The following FER variants were observed in gnomAD, a reference collection of about 807,000 sequenced individuals.
FER encodes the protein tyrosine-protein kinase Fer.
A neutral mutation model predicts 111.0 loss-of-function variants in FER; 63 were observed. The observed-to-expected ratio is 0.57, with a 90% confidence interval of 0.46 to 0.70. The LOEUF (loss-of-function observed/expected upper bound fraction) is 0.70. FER is among the 30% of genes least tolerant of loss of function. FER has a pLI of 0.00. For missense variants in FER, 914 were observed against 954.0 expected, an observed-to-expected ratio of 0.96 and a Z score of 0.55; for synonymous variants, 327 against 313.9, an observed-to-expected ratio of 1.04 and a Z score of -0.44.
chr5:108,826,379 GGGA>G (rs1251731289), intron 3 of FER, among the ~76,000 whole-genome samples: 1 of 152,054 alleles, frequency 6.6e-6, no homozygotes, highest in Admixed American at 6.6e-5. Context: ...GTGTTCATTA[GGGA>G]TATTGGCTTG....
At chr5:109,059,662 G>A (rs145821090) in intron 16 of FER, among the ~76,000 whole-genome samples, 146 of 152,298 alleles carry the variant, frequency 9.6e-4, no homozygotes, top group African/African-American at 3.3e-3. Context: ...AGAGGTTAGT[G>A]GTGAAGAGTG....
intron 13 of FER, among the ~76,000 whole-genome samples, chr5:109,011,859 A>G (rs1766315416): frequency 6.6e-6 from 1 of 152,214 alleles, no homozygotes; most frequent in African/African-American, 2.4e-5. Flanking sequence ...TGGAAATCTA[A>G]TGTAACTAGT....
At chr5:108,781,346 C>T (rs978481258) in intron 2 of FER, among the ~76,000 whole-genome samples, 3 of 152,034 alleles carry the variant, frequency 2.0e-5, no homozygotes, top group Non-Finnish European at 2.9e-5. Context: ...GCCTGCTTAC[C>T]ACACCTGGCT....
At chr5:108,756,817 T>G (rs1428501855) in intron 1 of FER, among the ~76,000 whole-genome samples, 1 of 152,178 alleles carries the variant, frequency 6.6e-6, no homozygotes, top group Non-Finnish European at 1.5e-5. Context: ...AGTTCTTTTT[T>G]CTCCCCTCCT....
Position 109,026,429 on chromosome 5 carries a change from G to GT in FER, c.1657-10982dup, listed in dbSNP as rs200471223. Reference sequence around the variant, plus strand: ...AACTACTTTGCATACTTTTCAATAAGTTTTTTTTTTTCCTCTAAAGCAACC... The same window carrying GT: ...AACTACTTTGCATACTTTTCAATAAGTTTTTTTTTTTTCCTCTAAAGCAACC... On this transcript the variant is annotated intron_variant, in intron 13 of 19. Transcript: ENST00000281092. Among the ~76,000 whole-genome samples, 420 of 147,904 alleles carry GT rather than the reference G, an allele frequency of 2.8e-3. 4 individuals are homozygous for GT. In the East Asian group the frequency reaches 0.037, roughly 13 times the overall value.
chr5:109,073,124 AG>A (rs1330190112), intron 16 of FER, among the ~76,000 whole-genome samples: 3 of 152,166 alleles, frequency 2.0e-5, no homozygotes, highest in Non-Finnish European at 4.4e-5. Context: ...CTGAAGTCCC[AG>A]GTAGACATAA....
chr5:108,754,527 C>A (rs1183245195), intron 1 of FER, among the ~76,000 whole-genome samples: 1 of 151,750 alleles, frequency 6.6e-6, no homozygotes, highest in Non-Finnish European at 1.5e-5. Flanking sequence ...AGTGAATGCC[C>A]CTTTAGTTTT....
intron 8 of FER, among the ~76,000 whole-genome samples, chr5:108,880,669 G>A (rs1354008886): frequency 6.6e-6 from 1 of 151,952 alleles, no homozygotes; most frequent in Non-Finnish European, 1.5e-5. Context: ...ACTGAAGCTT[G>A]TATCTCCATG....
At chr5:109,084,213 T>G (rs1355598599) in intron 16 of FER, among the ~76,000 whole-genome samples, 1 of 152,042 alleles carries the variant, frequency 6.6e-6, no homozygotes, top group Non-Finnish European at 1.5e-5. Flanking sequence ...AAGAGATTAA[T>G]TTTGCCTATT....
intron 16 of FER, among the ~76,000 whole-genome samples, chr5:109,068,035 T>A (rs1308769955): frequency 6.6e-6 from 1 of 152,226 alleles, no homozygotes; most frequent in Admixed American, 6.5e-5. Context: ...ATTTTTTTTC[T>A]GATACCTCTA....
At chr5:109,051,606 C>T (rs1772841336) in intron 16 of FER, 2 of 1,603,030 alleles carry the variant, frequency 1.2e-6, no homozygotes, top group Middle Eastern at 1.6e-4. Flanking sequence ...CCAGCTTGTA[C>T]CCAGGAAGAG....
In FER at chr5:108,916,745, C is replaced by CTTG. The variant is rs547578188; in HGVS notation, c.1236+18898_1236+18899insTGT. Reference sequence around the variant, plus strand: ...TATAAAAGAAAATTGCCAGAAAACTCTATCATGTTCGCTCATGGGTTGGAT... The same window carrying CTTG: ...TATAAAAGAAAATTGCCAGAAAACTCTTGTATCATGTTCGCTCATGGGTTGGAT... On this transcript the variant is annotated intron_variant, in intron 10 of 19. Coordinates refer to ENST00000281092, the MANE Select transcript of FER (RefSeq NM_005246.4). Among the ~76,000 whole-genome samples, 186 of 152,200 alleles carry CTTG rather than the reference C, an allele frequency of 1.2e-3. 1 individual carries two copies. The highest frequency in any genetic ancestry group is 4.2e-3 in the African/African-American group (173 of 41,536).
chr5:109,092,462 A>G (rs1746932263), intron 16 of FER, among the ~76,000 whole-genome samples: 1 of 152,120 alleles, frequency 6.6e-6, no homozygotes, highest in Non-Finnish European at 1.5e-5. Flanking sequence ...AAGGACTTAG[A>G]CATTTTCTCC....
intron 1 of FER, among the ~76,000 whole-genome samples, chr5:108,753,754 T>TC (rs763380229): frequency 2.6e-4 from 39 of 152,330 alleles, no homozygotes; most frequent in Non-Finnish European, 5.3e-4. Flanking sequence ...GATTGTGTGT[T>TC]CTGTAAATAC....
intron 17 of FER, among the ~76,000 whole-genome samples, chr5:109,104,555 TAAG>T (rs921364614): frequency 9.9e-5 from 15 of 151,642 alleles, no homozygotes; most frequent in African/African-American, 3.6e-4. Flanking sequence ...ATAGAAGGAG[TAAG>T]AAGATTCCAA....
intron 17 of FER, among the ~76,000 whole-genome samples, chr5:109,170,548 T>A (rs886701158): frequency 5.3e-5 from 8 of 152,158 alleles, no homozygotes; most frequent in Non-Finnish European, 1.2e-4. Context: ...TACAAAGACA[T>A]CTATGCCTCT....
chr5:109,019,920 A>T (rs1767706193), intron 13 of FER, among the ~76,000 whole-genome samples: 1 of 151,966 alleles, frequency 6.6e-6, no homozygotes, highest in South Asian at 2.1e-4. Context: ...ACCTTGTAGA[A>T]AAAAATTGTA....
In FER at chr5:108,770,109, C is replaced by T. The variant is rs543540997; in HGVS notation, c.-60+1871C>T. Among the ~76,000 whole-genome samples the T allele has an allele frequency of 2.7e-3, 410 of 152,188 alleles. 1 individual carries two copies. The highest frequency in any genetic ancestry group is 9.4e-3 in the African/African-American group (390 of 41,540). On this transcript the variant is annotated intron_variant, in intron 2 of 19. Coordinates refer to ENST00000281092, the MANE Select transcript of FER (RefSeq NM_005246.4). ...GATTACAGGCATGTGCCACCATGCC[C>T]GGCTAATTTCGTATTTTTAGTAGAG...
chr5:108,757,987 A>G (rs1751303802), intron 1 of FER, among the ~76,000 whole-genome samples: 1 of 152,182 alleles, frequency 6.6e-6, no homozygotes, highest in African/African-American at 2.4e-5. Context: ...TAGCTTGGAG[A>G]TACTTGCTAT....
Sources: allele counts gnomAD v4.1 joint callset (sites outside exome capture counted in the v4.1 genomes callset), GRCh38; gene constraint gnomAD v4.1.1; transcripts MANE v1.5; gene names NCBI Gene and HGNC (gene_info 2026-07-23, HGNC 2026-07-21).